EIF2S3B: variants seen among roughly 807,000 people sequenced by gnomAD.
The protein encoded by EIF2S3B is eukaryotic translation initiation factor 2 subunit gamma B.
In EIF2S3B, 16 loss-of-function variants were observed where a neutral mutation model predicts 26.4. That is an observed-to-expected ratio of 0.61 (90% CI 0.41 to 0.92). The LOEUF (loss-of-function observed/expected upper bound fraction) is 0.92, where lower values mean the gene tolerates loss of function less well. EIF2S3B is among the 40% of genes least tolerant of loss of function. EIF2S3B has a pLI of 0.00. For synonymous variants in EIF2S3B, 183 were observed against 204.4 expected (o/e 0.90, Z 0.89); for missense variants, 510 against 575.5 (o/e 0.89, Z 1.16).
chr12:10,507,806 T>C lies in EIF2S3B; in HGVS notation c.*485T>C, dbSNP rs2137942422. ...GGTTTCGGCATGTTGGCCAGGCCAG[T>C]CTCTCCTGACCTCAGGGTGATCAGC... is the stretch of plus-strand genomic sequence containing the variant. On this transcript the variant is annotated 3_prime_UTR_variant, in exon 1 of 1. Transcript: ENST00000538173. Among the ~76,000 whole-genome samples the C allele has an allele frequency of 6.6e-6, 1 of 152,186 alleles. No homozygotes were observed. Among genetic ancestry groups the C allele is most frequent in the South Asian group, 2.1e-4 (1 of 4,814 alleles).
In EIF2S3B at chr12:10,517,589, G is replaced by GT. The variant is rs1225691788; in HGVS notation, c.1309-5008dup. Among the ~76,000 whole-genome samples, 8 of 152,216 alleles carry GT rather than the reference G, an allele frequency of 5.3e-5. No homozygotes were observed. The East Asian group carries it at 1.3e-3, about 26-fold the overall frequency. On this transcript the variant is annotated intron_variant, in intron 1 of 1. Transcript: ENST00000322446. ...CCTGGATCCATTAATTTTTTGAAGG[G>GT]TTTTTTGTGCCTCTATTTCCTTCAG...
chr12:10,515,723 G>A (rs1864748114), intron 1 of EIF2S3B, among the ~76,000 whole-genome samples: 1 of 151,614 alleles, frequency 6.6e-6, no homozygotes, highest in African/African-American at 2.4e-5. Context: ...CCAACTCACT[G>A]GTCATATGCA....
At chr12:10,514,640 A>G (rs1009860837) in intron 1 of EIF2S3B, among the ~76,000 whole-genome samples, 31 of 152,314 alleles carry the variant, frequency 2.0e-4, no homozygotes, top group African/African-American at 6.7e-4. Context: ...TGTGTTTTCT[A>G]TAACATTTAA....
chr12:10,522,106 G>A (rs1399823832), intron 1 of EIF2S3B, among the ~76,000 whole-genome samples: 1 of 152,128 alleles, frequency 6.6e-6, no homozygotes, highest in Non-Finnish European at 1.5e-5. Flanking sequence ...TACTGCCAAA[G>A]GTGTTTGTAT....
rs1169337183 is a variant in EIF2S3B at position 10,506,822 on chromosome 12, G to T, written c.920G>T (p.Gly307Val). ...RPGIVSKDSEGKLMCKSIFSK... is the reference protein window; with the variant it reads ...RPGIVSKDSEVKLMCKSIFSK... ...GGTATTGTTTCCAAAGATAGTGAAG[G>T]AAAACTCATGTGTAAATCAATCTTT... The change falls in exon 1 of 1, where the codon GGA becomes GTA. Residue 307 changes from glycine (G) to valine (V), a missense_variant. Coordinates refer to ENST00000538173, the MANE Select transcript of EIF2S3B (RefSeq NM_001357734.3). The T allele has an allele frequency of 1.9e-6, 3 of 1,613,448 alleles. No individual in the cohort carries two copies. The Admixed American group carries it at 5.0e-5, about 27-fold the overall frequency.
chr12:10,518,654 A>C (rs1288277365), intron 1 of EIF2S3B, among the ~76,000 whole-genome samples: 6 of 152,154 alleles, frequency 3.9e-5, no homozygotes, highest in African/African-American at 1.2e-4. Context: ...AAGCAACTTC[A>C]GCAAAGTCTC....
chr12:10,506,554 G>C lies in EIF2S3B; in HGVS notation c.652G>C (p.Gly218Arg), dbSNP rs752560290. The C allele has an allele frequency of 3.1e-6, 5 of 1,590,444 alleles. No homozygotes were observed. The Admixed American group carries it at 5.0e-5, about 16-fold the overall frequency. ...LAFVQGTVAE[G>R]APIIPISAQL... ...GTTTGTCCAAGGTACAGTAGCAGAG[G>C]GAGCTCCCATTATTCCAATTTCGGC... The change falls in exon 1 of 1, where the codon GGA (glycine) becomes CGA (arginine). Residue 218 changes from glycine (G) to arginine (R), a missense_variant. Physicochemically the swap from Gly to Arg is moderately radical, Grantham distance 125 (BLOSUM62 -2). Transcript: ENST00000538173.
intron 1 of EIF2S3B, among the ~76,000 whole-genome samples, chr12:10,517,022 A>G (rs1397741241): frequency 2.0e-5 from 3 of 151,014 alleles, no homozygotes; most frequent in African/African-American, 7.3e-5. Flanking sequence ...CCAGTATTTT[A>G]TTGAGGATTT....
chr12:10,522,733 A>G, exon 2 of EIF2S3B: 1 of 682,054 alleles, frequency 1.5e-6, no homozygotes, highest in South Asian at 1.6e-5. Flanking sequence ...AGACAAAAGA[A>G]AACATGATCC....
rs201241803 is a variant in EIF2S3B, at chr12:10,506,307, T to C, written c.405T>C (p.Cys135=). Residue 135 remains cysteine (C), a synonymous_variant, in exon 1 of 1, where the codon TGT becomes TGC. Coordinates refer to ENST00000538173, the MANE Select transcript of EIF2S3B (RefSeq NM_001357734.3). Reference sequence around the variant, plus strand: ...TCAGACATGTTTCCTTTGTTGACTGTCCTGGCCACGATATTTTGATGGCTA... The same window carrying C: ...TCAGACATGTTTCCTTTGTTGACTGCCCTGGCCACGATATTTTGATGGCTA... ...RLVRHVSFVD[C]PGHDILMATM... 1,481 of 1,614,142 alleles carry C rather than the reference T, an allele frequency of 9.2e-4. 8 individuals carry two copies. Among genetic ancestry groups the C allele is most frequent in the South Asian group, 7.0e-3 (635 of 91,076 alleles).
rs77498633 is a variant in EIF2S3B at position 10,516,250 on chromosome 12, T to C, written c.1309-6353T>C. ...AAGTTTCGTAGAGGTTCCACAGTTATAGTGTCTCATTTTTCATCCTGTCTT... is the reference window on the plus strand; with the variant it reads ...AAGTTTCGTAGAGGTTCCACAGTTACAGTGTCTCATTTTTCATCCTGTCTT... On this transcript the variant is annotated intron_variant, in intron 1 of 1. Coordinates refer to the EIF2S3B transcript ENST00000322446. 1.8e-3 allele frequency among the ~76,000 whole-genome samples: 279 copies of C among 152,180 alleles called. 6 individuals are homozygous for C. In the East Asian group the frequency reaches 0.045, roughly 25 times the overall value.
At chr12:10,510,514 A>AT (rs1478826954), downstream of EIF2S3B, among the ~76,000 whole-genome samples, 3 of 152,070 alleles carry the variant, frequency 2.0e-5, no homozygotes, top group Non-Finnish European at 4.4e-5. Flanking sequence ...TAGCAGGACA[A>AT]TTTTCCTTGA....
chr12:10,506,811 A>C lies in EIF2S3B; in HGVS notation c.909A>C (p.Lys303Asn), dbSNP rs1457795424. ...ETEVRPGIVS[K>N]DSEGKLMCKS... Reference sequence around the variant, plus strand: ...AAGTAAGACCTGGTATTGTTTCCAAAGATAGTGAAGGAAAACTCATGTGTA... The same window carrying C: ...AAGTAAGACCTGGTATTGTTTCCAACGATAGTGAAGGAAAACTCATGTGTA... The change falls in exon 1 of 1, where the codon AAA becomes AAC. Residue 303 changes from lysine (K) to asparagine (N), a missense_variant. Lys to Asn is a moderately conservative substitution (Grantham distance 94, BLOSUM62 0). Transcript: ENST00000538173. 6.2e-7 allele frequency: 1 copy of C among 1,613,474 alleles called. No homozygotes were observed. Among genetic ancestry groups the C allele is most frequent in the Admixed American group, 1.7e-5 (1 of 60,006 alleles).
rs1864667038 is a variant in EIF2S3B, at chr12:10,508,283, A to G, written c.*962A>G. Among the ~76,000 whole-genome samples the G allele has an allele frequency of 6.6e-6, 1 of 152,118 alleles. No individual in the cohort carries two copies. The highest frequency in any genetic ancestry group is 1.5e-5 in the Non-Finnish European group (1 of 68,026). ...TGAAATACGGGAAACTAGAGTCAGA[A>G]GTTATCTCCCTCTCCCTGTGATGCC... On this transcript the variant is annotated 3_prime_UTR_variant, in exon 1 of 1. Transcript: ENST00000538173.
Position 10,507,380 on chromosome 12 carries a change from A to C in EIF2S3B, c.*59A>C, listed in dbSNP as rs1276358930. The C allele has an allele frequency of 1.3e-6, 2 of 1,584,374 alleles. No individual in the cohort carries two copies. Among genetic ancestry groups the C allele is most frequent in the African/African-American group, 2.7e-5 (2 of 74,108 alleles). On this transcript the variant is annotated 3_prime_UTR_variant, in exon 1 of 1. Coordinates refer to ENST00000538173, the MANE Select transcript of EIF2S3B (RefSeq NM_001357734.3). ...CTGGAAGTTGCAATTTCTCTTTAACAACCAAGGGGTTTATTTTCAAAGCGA... is the reference window on the plus strand; with the variant it reads ...CTGGAAGTTGCAATTTCTCTTTAACCACCAAGGGGTTTATTTTCAAAGCGA...
downstream of EIF2S3B, among the ~76,000 whole-genome samples, chr12:10,509,089 C>T (rs1382873530): frequency 6.6e-5 from 10 of 152,018 alleles, no homozygotes; most frequent in Admixed American, 6.6e-4. Context: ...CTACTTAGTG[C>T]TCTATTATTT....
chr12:10,512,695 G>A (rs1330270880), downstream of EIF2S3B, among the ~76,000 whole-genome samples: 1 of 151,984 alleles, frequency 6.6e-6, no homozygotes, highest in Non-Finnish European at 1.5e-5. Flanking sequence ...CATCCCTAGT[G>A]TGGATATCAC....
downstream of EIF2S3B, among the ~76,000 whole-genome samples, chr12:10,511,470 T>G (rs1453047587): frequency 6.6e-6 from 1 of 152,122 alleles, no homozygotes; most frequent in Admixed American, 6.5e-5. Context: ...ACTGAAATTC[T>G]AAAGAACAAA....
At chr12:10,516,470 A>C (rs1864758878) in intron 1 of EIF2S3B, among the ~76,000 whole-genome samples, 2 of 148,776 alleles carry the variant, frequency 1.3e-5, no homozygotes. Flanking sequence ...GTAGAGTTTA[A>C]GATTAAAATC....
Sources: allele counts gnomAD v4.1 joint callset (sites outside exome capture counted in the v4.1 genomes callset), GRCh38; gene constraint gnomAD v4.1.1; transcripts MANE v1.5; gene names NCBI Gene and HGNC (gene_info 2026-07-23, HGNC 2026-07-21).